TANC2: variants seen among roughly 807,000 people sequenced by gnomAD.
The protein encoded by TANC2 is protein TANC2.
Under a neutral mutation model 210.5 loss-of-function variants are expected in TANC2, and 26 were observed. The observed-to-expected ratio is 0.12, with a 90% CI of 0.09 to 0.17. TANC2 has a LOEUF of 0.17. Ranked by LOEUF, TANC2 falls within the 10% of genes least tolerant of loss-of-function variation. TANC2 has a pLI of 1.00. For missense variants in TANC2, 2,129 were observed against 2,608.9 expected (o/e 0.82, Z 4.01); for synonymous variants, 931 against 967.1 (o/e 0.96, Z 0.69).
chr17:62,999,786 T>C (rs1332499921), intron 1 of TANC2, among the ~76,000 whole-genome samples: 3 of 152,234 alleles, frequency 2.0e-5, no homozygotes, highest in Admixed American at 1.3e-4. Context: ...CGCATGTGCT[T>C]GGATGTTCAT....
At chr17:63,378,813 C>G (rs934591762) in intron 14 of TANC2, among the ~76,000 whole-genome samples, 1 of 152,092 alleles carries the variant, frequency 6.6e-6, no homozygotes, top group Non-Finnish European at 1.5e-5. Flanking sequence ...CCATTCTCAG[C>G]TGGAGGGAAA....
chr17:63,218,386 G>T (rs1488041951), intron 7 of TANC2, among the ~76,000 whole-genome samples: 1 of 152,102 alleles, frequency 6.6e-6, no homozygotes, highest in African/African-American at 2.4e-5. Flanking sequence ...GTAAAAACCT[G>T]GATGCTTTCC....
intron 3 of TANC2, among the ~76,000 whole-genome samples, chr17:63,096,384 A>G (rs2144862296): frequency 6.6e-6 from 1 of 152,300 alleles, no homozygotes; most frequent in South Asian, 2.1e-4. Flanking sequence ...TTCTCCCAAC[A>G]GAAGTTTGGG....
chr17:63,243,531 C>T (rs562231208), intron 8 of TANC2, among the ~76,000 whole-genome samples: 7 of 152,268 alleles, frequency 4.6e-5, no homozygotes, highest in East Asian at 1.9e-4. Context: ...GTTACAACAT[C>T]GTGAATATAT....
chr17:63,313,299 A>G (rs559490164), intron 9 of TANC2: 20 of 152,342 alleles, frequency 1.3e-4, no homozygotes, highest in African/African-American at 4.6e-4. Flanking sequence ...TAAAGAAACA[A>G]AAATGAAATA....
intron 21 of TANC2, among the ~76,000 whole-genome samples, chr17:63,408,940 G>C (rs1259503700): frequency 6.6e-6 from 1 of 152,188 alleles, no homozygotes; most frequent in Non-Finnish European, 1.5e-5. Context: ...ACCATTGAAG[G>C]CCTTACAGTC....
chr17:63,252,498 T>C (rs2043079407), intron 8 of TANC2, among the ~76,000 whole-genome samples: 1 of 152,140 alleles, frequency 6.6e-6, no homozygotes, highest in South Asian at 2.1e-4. Flanking sequence ...TCTGTCAAAC[T>C]ATATTTTTGT....
At chr17:63,170,610 AT>A (rs1441410148) in intron 5 of TANC2, among the ~76,000 whole-genome samples, 6 of 152,190 alleles carry the variant, frequency 3.9e-5, no homozygotes, top group Admixed American at 3.9e-4. Context: ...GTATTTTTTT[AT>A]TTTGTGCTCA....
At chr17:63,118,092 A>AG (rs1258880312) in intron 4 of TANC2, among the ~76,000 whole-genome samples, 5 of 152,216 alleles carry the variant, frequency 3.3e-5, no homozygotes, top group Non-Finnish European at 7.3e-5. Context: ...ATTCCAGAAT[A>AG]GAGCTCTACT....
intron 4 of TANC2, chr17:63,125,255 G>C (rs933974786): frequency 3.3e-5 from 5 of 152,098 alleles, no homozygotes; most frequent in Non-Finnish European, 5.9e-5. Flanking sequence ...AGAATTAAAG[G>C]AATTTTTACA....
chr17:63,131,722 C>T (rs1261560510), intron 4 of TANC2, among the ~76,000 whole-genome samples: 2 of 152,154 alleles, frequency 1.3e-5, no homozygotes, highest in African/African-American at 2.4e-5. Context: ...CTGTGCCCCA[C>T]CCTCAGAGTT....
At chr17:63,279,155 G>C (rs1436537124) in intron 9 of TANC2, among the ~76,000 whole-genome samples, 2 of 152,122 alleles carry the variant, frequency 1.3e-5, no homozygotes, top group African/African-American at 4.8e-5. Flanking sequence ...GCACTGAAAC[G>C]TGAAGGTGAG....
intron 8 of TANC2, among the ~76,000 whole-genome samples, chr17:63,256,707 T>TTA (rs2043205131): frequency 6.6e-6 from 1 of 152,220 alleles, no homozygotes; most frequent in South Asian, 2.1e-4. Context: ...TCTCCAGCTA[T>TTA]TATTGTATTC....
intron 4 of TANC2, among the ~76,000 whole-genome samples, chr17:63,136,413 C>T (rs1331747459): frequency 6.6e-6 from 1 of 152,132 alleles, no homozygotes; most frequent in Non-Finnish European, 1.5e-5. Flanking sequence ...TTGGAATCCC[C>T]AGTTTTCTTA....
intron 1 of TANC2, among the ~76,000 whole-genome samples, chr17:63,008,652 T>C (rs902636277): frequency 5.9e-5 from 9 of 152,056 alleles, no homozygotes; most frequent in African/African-American, 2.2e-4. Flanking sequence ...AAAAGGAAGA[T>C]GATTTTTTAA....
intron 9 of TANC2, among the ~76,000 whole-genome samples, chr17:63,300,150 T>C (rs1036829553): frequency 6.6e-6 from 1 of 152,220 alleles, no homozygotes; most frequent in African/African-American, 2.4e-5. Context: ...GTATGTATGT[T>C]TTGGTACCAG....
intron 1 of TANC2, among the ~76,000 whole-genome samples, chr17:62,984,619 C>G (rs2032477205): frequency 6.6e-6 from 1 of 152,008 alleles, no homozygotes; most frequent in Non-Finnish European, 1.5e-5. Context: ...TGTCTTAATA[C>G]TACTTTTGCT....
At chr17:63,263,726 A>T (rs2043438453) in intron 8 of TANC2, among the ~76,000 whole-genome samples, 1 of 152,198 alleles carries the variant, frequency 6.6e-6, no homozygotes, top group Non-Finnish European at 1.5e-5. Context: ...TACTTTACCC[A>T]AACAGCCCTT....
At chr17:62,985,937 G>A (rs1028722009) in intron 1 of TANC2, among the ~76,000 whole-genome samples, 3 of 152,054 alleles carry the variant, frequency 2.0e-5, no homozygotes, top group Admixed American at 2.0e-4. Context: ...CATATTTGAT[G>A]TGTCCCTACA....
Sources: gnomAD v4.1 joint callset for allele counts (sites outside exome capture counted in the v4.1 genomes callset) on GRCh38, gnomAD v4.1.1 for gene constraint, MANE v1.5 for transcripts, NCBI Gene and HGNC (gene_info 2026-07-23, HGNC 2026-07-21) for gene names.